BCAS3: variants seen among roughly 807,000 people sequenced by gnomAD.
BCAS3 encodes BCAS4/BCAS3 fusion.
In BCAS3, 53 loss-of-function variants were observed where a neutral mutation model predicts 116.1. The ratio of observed to expected loss-of-function variants is 0.46; its 90% CI spans 0.37 to 0.57. BCAS3 has a LOEUF of 0.57. Among genes scored for constraint, BCAS3 ranks in the 20% least tolerant of loss-of-function variants. The pLI, the probability that BCAS3 is intolerant of heterozygous loss-of-function variation, is 0.00. For synonymous variants in BCAS3, 391 were observed against 408.2 expected, an observed-to-expected ratio of 0.96 and a Z score of 0.51; for missense variants, 917 against 1,165.4, an observed-to-expected ratio of 0.79 and a Z score of 3.10.
rs561041907 is a variant in BCAS3 at position 60,955,907 on chromosome 17, G to T, written c.1221+8555G>T. ...TGCTGGTTCTTATTGCATCCTATCA[G>T]GTTGTTACTGATTTTGATTTTGATT... On this transcript the variant is annotated intron_variant, in intron 14 of 23. Coordinates refer to ENST00000407086, the MANE Select transcript of BCAS3 (RefSeq NM_017679.5). Among the ~76,000 whole-genome samples the T allele has an allele frequency of 5.0e-4, 76 of 152,266 alleles. No individual in the cohort carries two copies. In the Middle Eastern group the frequency reaches 0.02, roughly 41 times the overall value.
intron 6 of BCAS3, among the ~76,000 whole-genome samples, chr17:60,770,363 A>G (rs2044541683): frequency 8.4e-6 from 1 of 119,606 alleles, no homozygotes; most frequent in South Asian, 3.1e-4. Context: ...ACTTGCTTTT[A>G]GTCCTTGCCA....
At chr17:60,785,504 C>T (rs978735207) in intron 6 of BCAS3, among the ~76,000 whole-genome samples, 16 of 152,080 alleles carry the variant, frequency 1.1e-4, no homozygotes, top group African/African-American at 3.9e-4. Flanking sequence ...CAGAAGTACT[C>T]GTACATTACC....
intron 22 of BCAS3, among the ~76,000 whole-genome samples, chr17:61,280,504 G>T (rs2051148071): frequency 6.6e-6 from 1 of 152,180 alleles, no homozygotes; most frequent in African/African-American, 2.4e-5. Flanking sequence ...ATTCAGGTTT[G>T]AGTCACAACT....
At chr17:60,941,003 C>T (rs905458652) in intron 13 of BCAS3, among the ~76,000 whole-genome samples, 2 of 152,162 alleles carry the variant, frequency 1.3e-5, no homozygotes, top group East Asian at 3.8e-4. Context: ...GACTTATGTT[C>T]GTGTGAGGCC....
At chr17:61,353,551 C>T (rs946513529) in intron 22 of BCAS3, 2 of 152,334 alleles carry the variant, frequency 1.3e-5, no homozygotes, top group South Asian at 2.1e-4. Flanking sequence ...AACCGTGAAA[C>T]GGGGAATAGT....
At position 60,871,298 on chromosome 17, in the gene BCAS3, G is replaced by A. The variant is rs533297611; in HGVS notation, c.584+2615G>A. 1.1e-4 allele frequency among the ~76,000 whole-genome samples: 16 copies of A among 152,268 alleles called. 1 individual carries two copies. The highest frequency in any genetic ancestry group is 1.0e-3 in the South Asian group (5 of 4,818). ...TCTTGACTCAGCCTCCCTGTAGCTG[G>A]AACTGCAGGCATGTGCCACCACGCC... On this transcript the variant is annotated intron_variant, in intron 8 of 23. Transcript: ENST00000407086.
rs977295417 is a variant in BCAS3, at chr17:61,361,037, CA to C, written c.2426-7289del. Among the ~76,000 whole-genome samples, 4 of 152,120 alleles carry C rather than the reference CA, an allele frequency of 2.6e-5. No individual in the cohort carries two copies. Among genetic ancestry groups the C allele is most frequent in the African/African-American group, 9.7e-5 (4 of 41,416 alleles). ...TTTTACCCTAGGATACCTCAAATAT[CA>C]GACACCATTTTCTGGAAGTATACTA... On this transcript the variant is annotated intron_variant, in intron 22 of 23. Coordinates refer to ENST00000407086, the MANE Select transcript of BCAS3 (RefSeq NM_017679.5). The surrounding 1 kb of genome is among the most constrained non-coding windows in gnomAD (Gnocchi z 6.5).
Position 61,106,010 on chromosome 17 carries a change from C to T in BCAS3, c.2425+21446C>T, listed in dbSNP as rs1255893279. On this transcript the variant is annotated intron_variant, in intron 22 of 23. Transcript: ENST00000407086. This position sits in a 1 kb window ranked among gnomAD's most constrained non-coding sequence, Gnocchi z 4.2. ...GTCTGGCATCTCCAGGCTGTCTATGCTACCTATCCTTTGGTCACTTGGCAG... is the reference window on the plus strand; with the variant it reads ...GTCTGGCATCTCCAGGCTGTCTATGTTACCTATCCTTTGGTCACTTGGCAG... Among the ~76,000 whole-genome samples the T allele has an allele frequency of 6.6e-6, 1 of 152,172 alleles. No individual in the cohort carries two copies. Among genetic ancestry groups the T allele is most frequent in the Non-Finnish European group, 1.5e-5 (1 of 68,028 alleles).
intron 19 of BCAS3, among the ~76,000 whole-genome samples, chr17:61,074,498 C>T (rs1484599317): frequency 6.6e-6 from 1 of 152,090 alleles, no homozygotes; most frequent in Non-Finnish European, 1.5e-5. Flanking sequence ...TGATGTATTT[C>T]TCTGGATAAA....
chr17:61,046,199 G>A (rs1339784314), intron 19 of BCAS3, among the ~76,000 whole-genome samples: 1 of 130,466 alleles, frequency 7.7e-6, no homozygotes. Context: ...GCCATTAAGC[G>A]GACTTTATTA....
Position 61,309,395 on chromosome 17 carries a change from C to T in BCAS3, c.2426-58932C>T, listed in dbSNP as rs8067121. Reference sequence around the variant, plus strand: ...AGCATGCCTGAGTACTGAACACTACCGTGTCACTCCCCATGTTGCCATTCT... The same window carrying T: ...AGCATGCCTGAGTACTGAACACTACTGTGTCACTCCCCATGTTGCCATTCT... On this transcript the variant is annotated intron_variant, in intron 22 of 23. Transcript: ENST00000407086. This position sits in a 1 kb window ranked among gnomAD's most constrained non-coding sequence, Gnocchi z 4.6. 4.6e-5 allele frequency among the ~76,000 whole-genome samples: 7 copies of T among 151,696 alleles called. No homozygotes were observed. Among genetic ancestry groups the T allele is most frequent in the Admixed American group, 6.6e-5 (1 of 15,242 alleles).
rs919884947 is a variant in BCAS3, at chr17:61,311,633, G to A, written c.2426-56694G>A. ...GCAGAGGCCAGGCGCGGTGGCTCACGCCTGTAATCCCAGCACTTTGGGAGG... is the reference window on the plus strand; with the variant it reads ...GCAGAGGCCAGGCGCGGTGGCTCACACCTGTAATCCCAGCACTTTGGGAGG... On this transcript the variant is annotated intron_variant, in intron 22 of 23. Transcript: ENST00000407086. Among the ~76,000 whole-genome samples the A allele has an allele frequency of 2.0e-5, 3 of 152,260 alleles. 1 individual carries two copies. The highest frequency in any genetic ancestry group is 4.1e-4 in the South Asian group (2 of 4,826).
chr17:61,351,444 G>A lies in BCAS3; in HGVS notation c.2426-16883G>A, dbSNP rs939956974. 5.9e-5 allele frequency among the ~76,000 whole-genome samples: 9 copies of A among 152,262 alleles called. No homozygotes were observed. The South Asian group carries it at 6.2e-4, about 11-fold the overall frequency. On this transcript the variant is annotated intron_variant, in intron 22 of 23. Transcript: ENST00000407086. Reference sequence around the variant, plus strand: ...TCAGTACTTGACATTCAGATTCCACGTTCGATTTTTGAATGATCTGTCATA... The same window carrying A: ...TCAGTACTTGACATTCAGATTCCACATTCGATTTTTGAATGATCTGTCATA...
chr17:61,097,516 A>G lies in BCAS3; in HGVS notation c.2425+12952A>G, dbSNP rs1167368488. ...TTAAGTGATGGTTTGGACTTTTGAT[A>G]AAAAGAGAAATTGGAAAAGTAGCAG... is the stretch of plus-strand genomic sequence containing the variant. On this transcript the variant is annotated intron_variant, in intron 22 of 23. Transcript: ENST00000407086. The surrounding 1 kb of genome is among the most constrained non-coding windows in gnomAD (Gnocchi z 4.0). 6.6e-6 allele frequency among the ~76,000 whole-genome samples: 1 copy of G among 152,192 alleles called. No homozygotes were observed. Among genetic ancestry groups the G allele is most frequent in the Non-Finnish European group, 1.5e-5 (1 of 68,040 alleles).
intron 22 of BCAS3, among the ~76,000 whole-genome samples, chr17:61,336,867 C>A (rs1001496695): frequency 1.3e-5 from 2 of 152,238 alleles, no homozygotes; most frequent in African/African-American, 4.8e-5. Flanking sequence ...AATCCCAGCA[C>A]TTTGGGAGGC....
rs2058085901 is a variant in BCAS3 at position 61,355,359 on chromosome 17, C to T, written c.2426-12968C>T. 6.6e-6 allele frequency among the ~76,000 whole-genome samples: 1 copy of T among 152,102 alleles called. No individual in the cohort carries two copies. On this transcript the variant is annotated intron_variant, in intron 22 of 23. Coordinates refer to ENST00000407086, the MANE Select transcript of BCAS3 (RefSeq NM_017679.5). This position sits in a 1 kb window ranked among gnomAD's most constrained non-coding sequence, Gnocchi z 4.2. ...ACTTATTTGTGGAGCACAGAAATCA[C>T]AGGATTTAGCTGGGTTGCTCCCTCC...
At chr17:61,149,419 A>G (rs2077424404) in intron 22 of BCAS3, among the ~76,000 whole-genome samples, 1 of 152,104 alleles carries the variant, frequency 6.6e-6, no homozygotes, top group African/African-American at 2.4e-5. Context: ...TTTTTTTCTC[A>G]TGAGAGTTGG....
chr17:60,816,225 G>A (rs1452771293), intron 7 of BCAS3, among the ~76,000 whole-genome samples: 1 of 151,470 alleles, frequency 6.6e-6, no homozygotes, highest in Non-Finnish European at 1.5e-5. Flanking sequence ...ATTATTCTTG[G>A]GAAAATTCAC....
intron 22 of BCAS3, among the ~76,000 whole-genome samples, chr17:61,306,138 G>A (rs771710206): frequency 3.3e-5 from 5 of 152,126 alleles, no homozygotes; most frequent in Admixed American, 6.5e-5. Flanking sequence ...TGATAAAGCC[G>A]CAAATTCTAT....
Sources: gnomAD v4.1 joint callset for allele counts (sites outside exome capture counted in the v4.1 genomes callset) on GRCh38, gnomAD v4.1.1 for gene constraint, Gnocchi (gnomAD v3.1) non-coding constraint, MANE v1.5 for transcripts, NCBI Gene and HGNC (gene_info 2026-07-23, HGNC 2026-07-21) for gene names.